The following SLC12A3 variants were observed in gnomAD, a reference collection of about 807,000 sequenced individuals.
SLC12A3 encodes solute carrier family 12 member 3.
SLC12A3 carries 104 observed loss-of-function variants against 121.0 expected under a neutral mutation model. That is an observed-to-expected ratio of 0.86 (90% CI 0.73 to 1.01). SLC12A3 has a LOEUF of 1.01. Among genes scored for constraint, SLC12A3 ranks in the 50% least tolerant of loss-of-function variants. The pLI, the probability that SLC12A3 is intolerant of heterozygous loss-of-function variation, is 0.00. For missense variants in SLC12A3, 1,328 were observed against 1,356.3 expected (o/e 0.98, Z 0.33); for synonymous variants, 536 against 533.4 (o/e 1.00, Z -0.07).
At position 56,904,471 on chromosome 16, in the gene SLC12A3, T is replaced by C. The variant is rs1485367512; in HGVS notation, c.2924+9T>C. 1.9e-6 allele frequency: 3 copies of C among 1,613,392 alleles called. No individual in the cohort carries two copies. Among genetic ancestry groups the C allele is most frequent in the African/African-American group, 2.7e-5 (2 of 75,034 alleles). The stretch of plus-strand genomic sequence containing the variant: ...GCTGCTCTCATCGTCATGTAAGTAG[T>C]GCCCGGCTGGTGGGAGGACCAGTCT... On this transcript the variant is annotated intron_variant, in intron 25 of 25. Transcript: ENST00000563236.
chr16:56,899,668 G>GGGGTCTCCAGGCAC, intron 23 of SLC12A3, 52 bp downstream of exon 23: 1 of 1,316,452 alleles, frequency 7.6e-7, no homozygotes, highest in Non-Finnish European at 1.1e-6. Flanking sequence ...TGTGCCTGGA[G>GGGGTCTCCAGGCAC]ACCCCTCTGC....
chr16:56,892,939 C>T lies in SLC12A3; in HGVS notation c.2420-14C>T, dbSNP rs1195708253. 9 of 1,611,214 alleles carry T rather than the reference C, an allele frequency of 5.6e-6. No individual in the cohort carries two copies. Among genetic ancestry groups the T allele is most frequent in the Non-Finnish European group, 7.6e-6 (9 of 1,177,590 alleles). ...GCTGCTGGCTCTGCTCTGACCCGCC[C>T]CCACCTCCTGCAGTGGACCCCAAGG... On this transcript the variant is annotated splice_polypyrimidine_tract_variant and intron_variant, in intron 20 of 25. Coordinates refer to ENST00000563236, the MANE Select transcript of SLC12A3 (RefSeq NM_001126108.2).
At chr16:56,909,760 G>A (rs76110155) in intron 25 of SLC12A3, among the ~76,000 whole-genome samples, 14,135 of 151,780 alleles carry the variant, frequency 0.093, 796 homozygotes, top group Admixed American at 0.14. Flanking sequence ...TTCCAGACCA[G>A]GCTCTAGGGT....
intron 25 of SLC12A3, among the ~76,000 whole-genome samples, chr16:56,910,984 C>CG (rs2055677125): frequency 6.6e-6 from 1 of 152,074 alleles, no homozygotes; most frequent in Admixed American, 6.6e-5. Flanking sequence ...AGCTGTCTCT[C>CG]GGACAGGTGG....
chr16:56,889,199 G>A (rs2055357691), intron 18 of SLC12A3, among the ~76,000 whole-genome samples: 1 of 152,240 alleles, frequency 6.6e-6, no homozygotes. Context: ...ACCAGCTGTA[G>A]GACTCGGAGC....
chr16:56,892,926 G>A, intron 20 of SLC12A3, 27 bp from the exon 21 acceptor site: 5 of 1,599,596 alleles, frequency 3.1e-6, no homozygotes, highest in Non-Finnish European at 4.3e-6. Flanking sequence ...TGCTGGCTCT[G>A]CTCTGACCCG....
Position 56,870,693 on chromosome 16 carries a change from T to C in SLC12A3, c.809T>C (p.Val270Ala). The C allele has an allele frequency of 6.2e-7, 1 of 1,613,988 alleles. No individual in the cohort carries two copies. Among genetic ancestry groups the C allele is most frequent in the South Asian group, 1.1e-5 (1 of 91,076 alleles). Residue 270 changes from valine to alanine, a missense_variant, in exon 6 of 26, where the codon GTG (valine) becomes GCG (alanine). Transcript: ENST00000563236. ...ATCATTGCCGTGGTCTCGGTCACTG[T>C]GCTGCTGGCCATCTCCCTGGCTGGC... ...IRIIAVVSVTVLLAISLAGME... is the reference protein window; with the variant it reads ...IRIIAVVSVTALLAISLAGME...
intron 22 of SLC12A3, among the ~76,000 whole-genome samples, chr16:56,897,341 G>A (rs565472993): frequency 2.0e-4 from 30 of 152,212 alleles, no homozygotes; most frequent in Admixed American, 6.5e-4. Context: ...ACCCCTGCCC[G>A]GTCTCTAGTG....
At chr16:56,894,508 C>T in intron 21 of SLC12A3, 23 bp from the exon 22 acceptor site, 3 of 1,554,928 alleles carry the variant, frequency 1.9e-6, no homozygotes, top group Non-Finnish European at 1.8e-6. Context: ...CTTGTCATGA[C>T]TCACGGGGAC....
At chr16:56,883,943 C>T (rs907762681) in intron 13 of SLC12A3, 106 bp from the exon 14 acceptor site, 54 of 1,299,432 alleles carry the variant, frequency 4.2e-5, no homozygotes, top group East Asian at 2.4e-4. Context: ...GCTGGGACCC[C>T]GGCTCTGGGC....
At chr16:56,876,529 G>A (rs59254019) in intron 8 of SLC12A3, among the ~76,000 whole-genome samples, 3,507 of 152,280 alleles carry the variant, frequency 0.023, 70 homozygotes, top group South Asian at 0.05. Flanking sequence ...GGGAGACCGA[G>A]GCAGGGAGAA....
At chr16:56,899,640 A>C in intron 23 of SLC12A3, 24 bp downstream of exon 23, 3 of 1,560,948 alleles carry the variant, frequency 1.9e-6, no homozygotes, top group Non-Finnish European at 2.7e-6. Context: ...TGGGGCTTCC[A>C]GGCAGAAGGG....
intron 8 of SLC12A3, among the ~76,000 whole-genome samples, chr16:56,875,655 A>G (rs189810037): frequency 4.0e-4 from 61 of 152,168 alleles, no homozygotes; most frequent in Non-Finnish European, 7.4e-4. Flanking sequence ...ATTTATGGGC[A>G]CTTGTCACCT....
chr16:56,867,621 A>G (rs1272237294), intron 2 of SLC12A3, among the ~76,000 whole-genome samples: 1 of 152,188 alleles, frequency 6.6e-6, no homozygotes, highest in African/African-American at 2.4e-5. Flanking sequence ...CTGCTCCGGG[A>G]GGCAGGAGGC....
At chr16:56,909,908 AT>A (rs1387495287) in intron 25 of SLC12A3, among the ~76,000 whole-genome samples, 3 of 152,124 alleles carry the variant, frequency 2.0e-5, no homozygotes, top group African/African-American at 7.2e-5. Flanking sequence ...CACTTGATTG[AT>A]TGCTGTTCAC....
intron 10 of SLC12A3, 120 bp downstream of exon 10, chr16:56,879,347 A>G: frequency 1.5e-6 from 2 of 1,354,612 alleles, no homozygotes; most frequent in Non-Finnish European, 2.1e-6. Context: ...GCCTAGGCTT[A>G]GGAGAGAGGG....
chr16:56,877,659 C>T (rs1321060860), intron 8 of SLC12A3, among the ~76,000 whole-genome samples: 2 of 152,188 alleles, frequency 1.3e-5, no homozygotes, highest in African/African-American at 4.8e-5. Flanking sequence ...AGAGCACAGC[C>T]CCCTGCCCAG....
intron 20 of SLC12A3, 78 bp from the exon 21 acceptor site, chr16:56,892,875 C>T (rs1462485096): frequency 2.3e-5 from 26 of 1,121,646 alleles, no homozygotes; most frequent in Non-Finnish European, 3.4e-5. Flanking sequence ...TCAGAAGGGG[C>T]GTTGGCGGGG....
At chr16:56,867,421 C>T (rs1292212372) in intron 2 of SLC12A3, among the ~76,000 whole-genome samples, 2 of 152,188 alleles carry the variant, frequency 1.3e-5, no homozygotes, top group Non-Finnish European at 2.9e-5. Flanking sequence ...CCCTAAAAAG[C>T]CACCAGGGGG....
Sources: gnomAD v4.1 joint callset for allele counts (sites outside exome capture counted in the v4.1 genomes callset) on GRCh38, gnomAD v4.1.1 for gene constraint, MANE v1.5 for transcripts, NCBI Gene and HGNC (gene_info 2026-07-23, HGNC 2026-07-21) for gene names.